Variants in VPS41 observed in about 807,000 individuals in gnomAD.
VPS41 encodes vacuolar protein sorting-associated protein 41 homolog.
Under a neutral mutation model 130.9 loss-of-function variants are expected in VPS41, and 85 were observed. The ratio of observed to expected loss-of-function variants is 0.65; its 90% CI spans 0.55 to 0.78. The LOEUF (loss-of-function observed/expected upper bound fraction) is 0.78, where lower values mean the gene tolerates loss of function less well. Among genes scored for constraint, VPS41 ranks in the 30% least tolerant of loss-of-function variants. The probability of loss-of-function intolerance (pLI) is 0.00; values close to 1 mark genes in which losing one functional copy is unlikely to be tolerated. For missense variants in VPS41, 874 were observed against 1,018.7 expected (o/e 0.86, Z 1.93); for synonymous variants, 335 against 332.9 (o/e 1.01, Z -0.07).
chr7:38,832,736 CGT>C (rs1562603123), intron 4 of VPS41, among the ~76,000 whole-genome samples: 42 of 152,254 alleles, frequency 2.8e-4, no homozygotes, highest in African/African-American at 9.4e-4. Flanking sequence ...AATTGGAGCA[CGT>C]AGCACCACTG....
intron 22 of VPS41, among the ~76,000 whole-genome samples, chr7:38,750,818 C>T (rs1584374047): frequency 6.6e-6 from 1 of 152,270 alleles, no homozygotes; most frequent in East Asian, 1.9e-4. Flanking sequence ...TGTTAATCAC[C>T]CACATGTGAC....
intron 17 of VPS41, among the ~76,000 whole-genome samples, chr7:38,760,762 T>G (rs1236370158): frequency 2.6e-5 from 4 of 152,076 alleles, no homozygotes; most frequent in African/African-American, 4.8e-5. Context: ...TTGGTTTATA[T>G]AAAAAATAGT....
chr7:38,753,958 G>C (rs1197278213), intron 21 of VPS41, among the ~76,000 whole-genome samples: 1 of 152,148 alleles, frequency 6.6e-6, no homozygotes, highest in Non-Finnish European at 1.5e-5. Context: ...TGCACTTATT[G>C]TATCTGATAC....
intron 2 of VPS41, among the ~76,000 whole-genome samples, chr7:38,895,077 T>A (rs2009277): frequency 0.63 from 95,757 of 152,136 alleles, 31,509 homozygotes; most frequent in East Asian, 0.89. Flanking sequence ...ATCCCAACAC[T>A]TTGGGAGGCT....
At chr7:38,865,755 G>C (rs1311598921) in intron 3 of VPS41, among the ~76,000 whole-genome samples, 1 of 152,174 alleles carries the variant, frequency 6.6e-6, no homozygotes, top group East Asian at 1.9e-4. Context: ...AATTATGGAT[G>C]ACACATCTAA....
At chr7:38,816,723 T>C (rs1429565868) in intron 7 of VPS41, among the ~76,000 whole-genome samples, 2 of 152,202 alleles carry the variant, frequency 1.3e-5, no homozygotes, top group African/African-American at 4.8e-5. Flanking sequence ...AATGTTAATA[T>C]ATGAAAGTTT....
intron 4 of VPS41, among the ~76,000 whole-genome samples, chr7:38,845,863 T>A (rs1785712466): frequency 6.6e-6 from 1 of 152,256 alleles, no homozygotes; most frequent in South Asian, 2.1e-4. Flanking sequence ...TTTCTTTCCG[T>A]ATATAAGTAA....
intron 1 of VPS41, among the ~76,000 whole-genome samples, chr7:38,900,835 A>G (rs1220870274): frequency 1.3e-5 from 2 of 152,244 alleles, no homozygotes; most frequent in Non-Finnish European, 2.9e-5. Flanking sequence ...CAATCCTACC[A>G]AAGCAATGCA....
rs776772500 is a variant in VPS41, at chr7:38,805,533, A to AAAAAAC, written c.451-8675_451-8670dup. On this transcript the variant is annotated intron_variant, in intron 7 of 28. Coordinates refer to ENST00000310301, the MANE Select transcript of VPS41 (RefSeq NM_014396.4). The stretch of plus-strand genomic sequence containing the variant: ...GGCAACAGAGTGAGAGTCTGTCTCA[A>AAAAAAC]AAAAACAAAAACAAAAACAAAGTAA... 6.6e-5 allele frequency among the ~76,000 whole-genome samples: 10 copies of AAAAAAC among 150,558 alleles called. No homozygotes were observed. In the Admixed American group the frequency reaches 6.7e-4, roughly 10 times the overall value.
chr7:38,783,274 C>T lies in VPS41; in HGVS notation c.785-6498G>A, dbSNP rs529375119. 2.0e-5 allele frequency among the ~76,000 whole-genome samples: 3 copies of T among 152,172 alleles called. No homozygotes were observed. In the South Asian group the frequency reaches 6.2e-4, roughly 32 times the overall value. The stretch of plus-strand genomic sequence containing the variant: ...TAATTAGGCCAGGTGTGGTGGCTCA[C>T]GCTTGTAATCCCAGCACTTTGGGAG... On this transcript the variant is annotated intron_variant, in intron 10 of 28. Transcript: ENST00000310301.
At chr7:38,761,548 C>T (rs1042869667) in intron 17 of VPS41, among the ~76,000 whole-genome samples, 5 of 151,702 alleles carry the variant, frequency 3.3e-5, no homozygotes, top group Non-Finnish European at 5.9e-5. Context: ...CTCCCACAGC[C>T]TCCCAAAGTG....
chr7:38,894,964 T>C (rs556654732), intron 2 of VPS41, among the ~76,000 whole-genome samples: 5 of 152,348 alleles, frequency 3.3e-5, no homozygotes, highest in African/African-American at 9.6e-5. Flanking sequence ...TGGCCAAGTC[T>C]CATTCCCTAA....
chr7:38,869,317 C>T (rs1786296127), intron 2 of VPS41, 64 bp from the exon 3 acceptor site: 1 of 1,146,260 alleles, frequency 8.7e-7, no homozygotes, highest in Admixed American at 2.0e-5. Flanking sequence ...AACCTCAAAA[C>T]ACACTTCTTA....
chr7:38,751,284 T>C (rs1036722702), intron 22 of VPS41, among the ~76,000 whole-genome samples: 3 of 152,218 alleles, frequency 2.0e-5, no homozygotes, highest in Non-Finnish European at 2.9e-5. Context: ...GTCAAATATG[T>C]TTTTTATTTT....
chr7:38,901,850 C>T (rs141733421), intron 1 of VPS41, among the ~76,000 whole-genome samples: 2 of 152,098 alleles, frequency 1.3e-5, no homozygotes, highest in African/African-American at 4.8e-5. Context: ...GTGGGCAACA[C>T]AGAAAGATCC....
chr7:38,761,263 C>CTT (rs66692164), intron 17 of VPS41, among the ~76,000 whole-genome samples: 1 of 57,006 alleles, frequency 1.8e-5, no homozygotes, highest in African/African-American at 6.0e-5. Flanking sequence ...CTCTTCCTCT[C>CTT]TTTTTTTTTT....
chr7:38,795,285 A>G (rs1472814919), intron 9 of VPS41, among the ~76,000 whole-genome samples, 180 bp downstream of exon 9: 1 of 152,222 alleles, frequency 6.6e-6, no homozygotes, highest in Non-Finnish European at 1.5e-5. Flanking sequence ...TGGAAAAGAA[A>G]GAATACATCT....
Position 38,772,608 on chromosome 7 carries a change from T to C in VPS41, c.1042A>G (p.Ile348Val), listed in dbSNP as rs200070179. 1 of 1,613,394 alleles carries C rather than the reference T, an allele frequency of 6.2e-7. No individual in the cohort carries two copies. Among genetic ancestry groups the C allele is most frequent in the Non-Finnish European group, 8.5e-7 (1 of 1,179,550 alleles). The change falls in exon 13 of 29, where the codon ATC becomes GTC. Residue 348 changes from isoleucine (I) to valine (V), a missense_variant. Transcript: ENST00000310301. ...ACTACAACATCTCTCGGACTCACGA[T>C]GTAAAAAAGTGATTCCCCTTCAGAG... ...EYSEGESLFY[I>V]VSPRDVVVAK... is the part of the protein sequence containing the mutation.
In VPS41 at chr7:38,780,907, G is replaced by GGCATCTGGTAGTTTAGGTAGTTTAGGC. The variant is rs758789343; in HGVS notation, c.785-4132_785-4131insGCCTAAACTACCTAAACTACCAGATGC. 5.5e-4 allele frequency among the ~76,000 whole-genome samples: 84 copies of GGCATCTGGTAGTTTAGGTAGTTTAGGC among 152,268 alleles called. 1 individual carries two copies. The highest frequency in any genetic ancestry group is 1.1e-3 in the Non-Finnish European group (78 of 68,016). ...AGTTCTCACAAGATCTGGTGGTTTA[G>GGCATCTGGTAGTTTAGGTAGTTTAGGC]AAGTGTGTGGCATCTACCCCTGCCT... On this transcript the variant is annotated intron_variant, in intron 10 of 28. Transcript: ENST00000310301.
Sources: gnomAD v4.1 joint callset for allele counts (sites outside exome capture counted in the v4.1 genomes callset) on GRCh38, gnomAD v4.1.1 for gene constraint, MANE v1.5 for transcripts, NCBI Gene and HGNC (gene_info 2026-07-23, HGNC 2026-07-21) for gene names.